Variants in PLXND1 observed in about 807,000 individuals in gnomAD.
The protein encoded by PLXND1 is plexin-D1.
A neutral mutation model predicts 197.7 loss-of-function variants in PLXND1; 54 were observed. The ratio of observed to expected loss-of-function variants is 0.27; its 90% confidence interval spans 0.22 to 0.34. The LOEUF is 0.34. PLXND1 is among the 10% of genes least tolerant of loss of function. The pLI is 1.00. For synonymous variants in PLXND1, 1,180 were observed against 1,161.2 expected (o/e 1.02, Z -0.33); for missense variants, 2,127 against 2,699.2 (o/e 0.79, Z 4.70).
rs746272659 is a variant in PLXND1, at chr3:129,556,373, T to C, written c.5717A>G (p.Lys1906Arg). The change falls in exon 36 of 36, where the codon AAG (lysine) becomes AGG (arginine). Residue 1906 changes from lysine to arginine, a missense_variant. Physicochemically the swap from Lys to Arg is conservative, Grantham distance 26. Around this residue, in one of 6 missense-constraint regions of PLXND1, gnomAD observed 200 missense variants for 303.3 expected, o/e 0.66. Coordinates refer to ENST00000324093, the MANE Select transcript of PLXND1 (RefSeq NM_015103.3). Reference sequence around the variant, plus strand: ...CATCAAAGCCACCACCTGCTCAAACTTGTGCTGCAGTTGTGTCCTCCGGGC... The same window carrying C: ...CATCAAAGCCACCACCTGCTCAAACCTGTGCTGCAGTTGTGTCCTCCGGGC... ...PTARRTQLQH[K>R]FEQVVALMED... The C allele has an allele frequency of 3.1e-6, 5 of 1,614,078 alleles. No homozygotes were observed. Among genetic ancestry groups the C allele is most frequent in the Non-Finnish European group, 4.2e-6 (5 of 1,180,034 alleles).
At chr3:129,572,808 G>A (rs763427443) in intron 14 of PLXND1, 34 bp downstream of exon 14, 1 of 1,612,752 alleles carries the variant, frequency 6.2e-7, no homozygotes, top group South Asian at 1.1e-5. Context: ...TGCGTGCTGG[G>A]CGGGCCGGAC....
Position 129,570,907 on chromosome 3 carries a change from C to A in PLXND1, c.3629G>T (p.Ser1210Ile). 3.1e-6 allele frequency: 5 copies of A among 1,614,220 alleles called. No individual in the cohort carries two copies. The highest frequency in any genetic ancestry group is 4.2e-6 in the Non-Finnish European group (5 of 1,180,026). ...HKEQDSLGLQ[S>I]HEYRVKIGQV... ...GCCTATCTTGACCCGGTACTCGTGA[C>A]TCTGGAGCCCCAGGCTGTCCTGCTC... The change falls in exon 19 of 36, where the codon AGT becomes ATT. Residue 1210 changes from serine to isoleucine, a missense_variant. Physicochemically the swap from Ser to Ile is moderately radical, Grantham distance 142 (BLOSUM62 -2). Transcript: ENST00000324093.
At chr3:129,590,194 T>G (rs948955956) in intron 1 of PLXND1, among the ~76,000 whole-genome samples, 3 of 152,002 alleles carry the variant, frequency 2.0e-5, no homozygotes, top group African/African-American at 7.3e-5. Flanking sequence ...ACAGGCTGGG[T>G]GTGTCTGAAT....
chr3:129,588,964 C>G (rs1223245213), intron 2 of PLXND1, among the ~76,000 whole-genome samples: 3 of 152,312 alleles, frequency 2.0e-5, no homozygotes, highest in South Asian at 4.1e-4. Context: ...CAAAGCCCCA[C>G]AACAGCTTAC....
intron 9 of PLXND1, among the ~76,000 whole-genome samples, chr3:129,576,378 A>G (rs2085314839): frequency 6.6e-6 from 1 of 152,162 alleles, no homozygotes; most frequent in Non-Finnish European, 1.5e-5. Flanking sequence ...CCCTGTTCTG[A>G]AGCCTTCCCA....
chr3:129,596,176 T>C (rs1240450482), intron 1 of PLXND1, among the ~76,000 whole-genome samples: 1 of 151,994 alleles, frequency 6.6e-6, no homozygotes, highest in African/African-American at 2.4e-5. Flanking sequence ...CCCAATTAGC[T>C]ATGCAGACCA....
chr3:129,594,121 G>A (rs1363764330), intron 1 of PLXND1, among the ~76,000 whole-genome samples: 2 of 152,234 alleles, frequency 1.3e-5, no homozygotes, highest in Non-Finnish European at 2.9e-5. Context: ...CGCTGCGGCA[G>A]GTTGCAAAAT....
rs766693210 is a variant in PLXND1, at chr3:129,560,387, C to T, written c.5076G>A (p.Gln1692=). ...CCGGGAGCACCTTCTTGCGATGGCT[C>T]TGCCGGTGAGACTTCTTGGGCTCCG... The part of the protein sequence containing the change: ...ELAEPKKSHR[Q]SHRKKVLPEI... The change falls in exon 31 of 36, where the codon CAG becomes CAA. Residue 1692 remains glutamine, a synonymous_variant. Transcript: ENST00000324093. 6 of 1,614,090 alleles carry T rather than the reference C, an allele frequency of 3.7e-6. No homozygotes were observed. In the African/African-American group the frequency reaches 4.0e-5, roughly 11 times the overall value.
Position 129,557,080 on chromosome 3 carries a change from C to T in PLXND1, c.5586+3G>A. On this transcript the variant is annotated splice_donor_region_variant and intron_variant, in intron 34 of 35. Coordinates refer to ENST00000324093, the MANE Select transcript of PLXND1 (RefSeq NM_015103.3). The surrounding 1 kb of genome is among the most constrained non-coding windows in gnomAD (Gnocchi z 4.8). ...CCCATCCCCCGCCGCCGAGCCACCG[C>T]ACCCTCGACTCCTCGGCCAGATGGG... 6.2e-7 allele frequency: 1 copy of T among 1,613,806 alleles called. No homozygotes were observed. The highest frequency in any genetic ancestry group is 8.5e-7 in the Non-Finnish European group (1 of 1,179,994).
intron 5 of PLXND1, among the ~76,000 whole-genome samples, chr3:129,585,596 T>G (rs1194418379): frequency 1.3e-5 from 2 of 152,244 alleles, no homozygotes; most frequent in Non-Finnish European, 2.9e-5. Context: ...CTCCTGGGTC[T>G]CTAGAACCCG....
chr3:129,603,641 C>T (rs937829989), intron 1 of PLXND1, among the ~76,000 whole-genome samples: 2 of 152,224 alleles, frequency 1.3e-5, no homozygotes, highest in Non-Finnish European at 2.9e-5. Context: ...CCACCGTGAC[C>T]TTTACTTTCA....
intron 1 of PLXND1, among the ~76,000 whole-genome samples, chr3:129,595,043 C>G (rs2085600176): frequency 6.6e-6 from 1 of 152,184 alleles, no homozygotes; most frequent in Non-Finnish European, 1.5e-5. Context: ...GCCAACTCCT[C>G]CCTCAGCTTG....
rs1363677580 is a variant in PLXND1, at chr3:129,574,345, C to G, written c.2676G>C (p.Glu892Asp). 1 of 1,604,128 alleles carries G rather than the reference C, an allele frequency of 6.2e-7. No homozygotes were observed. The highest frequency in any genetic ancestry group is 1.3e-5 in the African/African-American group (1 of 74,838). ...QPMAGTCPAP[E>D]IHAIEPLSGP... ...CACTGGGCATGCTTACCGCGTGGAT[C>G]TCGGGGGCGGGGCAGGTGCCAGCCA... The change falls in exon 12 of 36, where the codon GAG (glutamate) becomes GAC (aspartate). Residue 892 changes from glutamate (E) to aspartate (D), a missense_variant. Physicochemically the swap from Glu to Asp is conservative, Grantham distance 45. Coordinates refer to ENST00000324093, the MANE Select transcript of PLXND1 (RefSeq NM_015103.3).
At position 129,575,696 on chromosome 3, in the gene PLXND1, G is replaced by T. The variant is rs1239447921; in HGVS notation, c.2436+70C>A. The T allele has an allele frequency of 1.3e-5, 16 of 1,254,374 alleles. No individual in the cohort carries two copies. In the Admixed American group the frequency reaches 2.5e-4, roughly 20 times the overall value. 77.7% of individuals were successfully genotyped at this position (1,254,374 alleles called of 1,614,324 possible). On this transcript the variant is annotated intron_variant, in intron 10 of 35. Transcript: ENST00000324093. ...CCAGAAGGTAGAGAGAGGCAGGGTG[G>T]GGTGAGGGGTACAGCATCTGGACTT...
At chr3:129,564,098 T>C (rs2085101830) in intron 25 of PLXND1, among the ~76,000 whole-genome samples, 1 of 152,102 alleles carries the variant, frequency 6.6e-6, no homozygotes, top group Non-Finnish European at 1.5e-5. Context: ...GCCCTTGTGG[T>C]TCCTGATGGC....
intron 9 of PLXND1, among the ~76,000 whole-genome samples, 161 bp from the exon 10 acceptor site, chr3:129,576,016 C>A (rs2085309099): frequency 6.6e-6 from 1 of 152,242 alleles, no homozygotes; most frequent in South Asian, 2.1e-4. Context: ...AAATCCCCTT[C>A]CTGGCCATCA....
chr3:129,565,229 G>T, intron 25 of PLXND1, 111 bp downstream of exon 25: 1 of 841,822 alleles, frequency 1.2e-6, no homozygotes, highest in Non-Finnish European at 2.0e-6. Context: ...CTCCCTCCTG[G>T]CAGAGCTGGC....
intron 1 of PLXND1, among the ~76,000 whole-genome samples, chr3:129,590,276 G>A (rs941538955): frequency 1.3e-5 from 2 of 149,648 alleles, no homozygotes; most frequent in Admixed American, 6.7e-5. Context: ...CGGCTCACAG[G>A]GCAGCTGTGA....
rs199925518 is a variant in PLXND1, at chr3:129,584,472, G to C, written c.1942C>G (p.Arg648Gly). The C allele has an allele frequency of 6.2e-7, 1 of 1,613,994 alleles. No individual in the cohort carries two copies. Among genetic ancestry groups the C allele is most frequent in the Non-Finnish European group, 8.5e-7 (1 of 1,179,994 alleles). Residue 648 changes from arginine to glycine, a missense_variant, in exon 6 of 36, where the codon CGG becomes GGG. By Grantham distance (125) the Arg-to-Gly change is moderately radical (BLOSUM62 -2). Around this residue, in one of 6 missense-constraint regions of PLXND1, gnomAD observed 1,095 missense variants for 1,259.8 expected, o/e 0.87. Coordinates refer to ENST00000324093, the MANE Select transcript of PLXND1 (RefSeq NM_015103.3). ...TGACCAAAGGCAGGGCCTGGGACCC[G>C]AGCCACAGTGCGGATGTTGTTCCCA... ...DYGNNIRTVARVPGPAFGHQI... is the reference protein window; with the variant it reads ...DYGNNIRTVAGVPGPAFGHQI...
Sources: allele counts gnomAD v4.1 joint callset (sites outside exome capture counted in the v4.1 genomes callset), GRCh38; gene constraint gnomAD v4.1.1; regional missense constraint gnomAD v4.1.1; non-coding constraint Gnocchi (gnomAD v3.1); transcripts MANE v1.5; gene names NCBI Gene and HGNC (gene_info 2026-07-23, HGNC 2026-07-21).